The following CACNB2 variants were observed in gnomAD, a reference collection of about 807,000 sequenced individuals.
CACNB2 encodes the protein calcium voltage-gated channel auxiliary subunit beta 2.
In CACNB2, 42 loss-of-function variants were observed where a neutral mutation model predicts 73.3. That is an observed-to-expected ratio of 0.57 (90% confidence interval 0.45 to 0.74). The LOEUF is 0.74. CACNB2 is among the 30% of genes least tolerant of loss of function. The probability of loss-of-function intolerance (pLI) is 0.00; values close to 1 mark genes in which losing one functional copy is unlikely to be tolerated. For synonymous variants in CACNB2, 348 were observed against 310.3 expected (o/e 1.12, Z -1.28); for missense variants, 940 against 853.0 (o/e 1.10, Z -1.27).
At chr10:18,426,253 C>A (rs187361648) in intron 3 of CACNB2, among the ~76,000 whole-genome samples, 2 of 152,280 alleles carry the variant, frequency 1.3e-5, no homozygotes, top group Admixed American at 1.3e-4. Flanking sequence ...TAAATAGGAA[C>A]TATCTCTCCA....
At chr10:18,227,632 C>T (rs1046968999) in intron 2 of CACNB2, among the ~76,000 whole-genome samples, 2 of 152,112 alleles carry the variant, frequency 1.3e-5, no homozygotes, top group South Asian at 2.1e-4. Context: ...CTTGGGCGGC[C>T]GCAAGACAGG....
chr10:18,293,824 ATTCATGTTAATGACTATGATAAAATTCC>A (rs2039166948), intron 2 of CACNB2, among the ~76,000 whole-genome samples: 1 of 152,212 alleles, frequency 6.6e-6, no homozygotes, highest in South Asian at 2.1e-4. Context: ...TGGTCCAATC[ATTCATGTTAATGACTATGATAAAATTCC>A]TTAGTTTGAC....
intron 2 of CACNB2, among the ~76,000 whole-genome samples, chr10:18,198,282 A>G (rs2034717844): frequency 6.6e-6 from 1 of 151,426 alleles, no homozygotes; most frequent in African/African-American, 2.4e-5. Context: ...AGTATAATAT[A>G]TATTTAAAGC....
chr10:18,481,204 A>T (rs1425488006), intron 3 of CACNB2, among the ~76,000 whole-genome samples: 3 of 11,056 alleles, frequency 2.7e-4, no homozygotes, highest in African/African-American at 5.1e-4. Context: ...ATATATATAT[A>T]TATATATATA....
At chr10:18,216,879 C>A (rs1034104821) in intron 2 of CACNB2, among the ~76,000 whole-genome samples, 2 of 152,142 alleles carry the variant, frequency 1.3e-5, no homozygotes, top group African/African-American at 4.8e-5. Context: ...CCAATGACAA[C>A]CTACATGTGA....
intron 2 of CACNB2, among the ~76,000 whole-genome samples, chr10:18,375,278 ACTT>A (rs2042749217): frequency 6.6e-6 from 1 of 152,046 alleles, no homozygotes. Context: ...TTGTCCTATG[ACTT>A]CTCCCTCCCA....
chr10:18,351,416 C>G (rs2041701792), intron 2 of CACNB2, among the ~76,000 whole-genome samples: 1 of 152,158 alleles, frequency 6.6e-6, no homozygotes, highest in Non-Finnish European at 1.5e-5. Context: ...ATTCAGTGAT[C>G]TGCTATATAC....
chr10:18,257,902 C>T (rs952818776), intron 2 of CACNB2, among the ~76,000 whole-genome samples: 3 of 152,192 alleles, frequency 2.0e-5, no homozygotes, highest in Non-Finnish European at 4.4e-5. Flanking sequence ...TGCCACCCTG[C>T]CCAGCAGATT....
intron 3 of CACNB2, among the ~76,000 whole-genome samples, chr10:18,478,345 T>C (rs1304488205): frequency 2.0e-5 from 3 of 152,252 alleles, no homozygotes; most frequent in Non-Finnish European, 2.9e-5. Context: ...ACCATTCTTA[T>C]ATGTTTTGTG....
intron 2 of CACNB2, among the ~76,000 whole-genome samples, chr10:18,311,631 C>T (rs1180612126): frequency 1.3e-5 from 2 of 152,198 alleles, no homozygotes; most frequent in East Asian, 3.8e-4. Flanking sequence ...TATATACTTA[C>T]TATTCATGAA....
intron 9 of CACNB2, among the ~76,000 whole-genome samples, chr10:18,520,890 C>T (rs2051810957): frequency 6.6e-6 from 1 of 152,120 alleles, no homozygotes; most frequent in Non-Finnish European, 1.5e-5. Flanking sequence ...TGTGTCTCTC[C>T]TTTCCCTCTG....
chr10:18,344,632 A>AAAGTGCTGG (rs1319261307), intron 2 of CACNB2, among the ~76,000 whole-genome samples: 1 of 152,152 alleles, frequency 6.6e-6, no homozygotes, highest in Non-Finnish European at 1.5e-5. Flanking sequence ...TCGGCCTCCC[A>AAAGTGCTGG]AAGTGCTGGA....
At chr10:18,154,474 G>C (rs1438427123) in intron 2 of CACNB2, among the ~76,000 whole-genome samples, 6 of 150,948 alleles carry the variant, frequency 4.0e-5, no homozygotes, top group Non-Finnish European at 7.4e-5. Context: ...TTTTGTTTTT[G>C]TTTTTTGTTT....
chr10:18,203,341 C>T (rs1357044202), intron 2 of CACNB2, among the ~76,000 whole-genome samples: 1 of 152,086 alleles, frequency 6.6e-6, no homozygotes, highest in African/African-American at 2.4e-5. Flanking sequence ...AAAAGTGACC[C>T]CTCTATCTGA....
At chr10:18,204,866 G>C (rs924500618) in intron 2 of CACNB2, among the ~76,000 whole-genome samples, 2 of 151,426 alleles carry the variant, frequency 1.3e-5, no homozygotes, top group African/African-American at 2.4e-5. Flanking sequence ...TTTCTGTATA[G>C]AGTCAATTTC....
At chr10:18,396,815 A>G (rs753472553) in intron 2 of CACNB2, among the ~76,000 whole-genome samples, 4 of 152,164 alleles carry the variant, frequency 2.6e-5, no homozygotes, top group Non-Finnish European at 5.9e-5. Context: ...CCAGCAAGCA[A>G]TGAGTTTGCC....
intron 2 of CACNB2, among the ~76,000 whole-genome samples, chr10:18,352,321 A>G (rs1309812873): frequency 8.5e-5 from 13 of 152,220 alleles, no homozygotes; most frequent in African/African-American, 2.9e-4. Context: ...AATTCTTACA[A>G]CACCAACAGA....
intron 2 of CACNB2, among the ~76,000 whole-genome samples, chr10:18,378,028 C>G (rs2042871464): frequency 6.6e-6 from 1 of 152,130 alleles, no homozygotes; most frequent in African/African-American, 2.4e-5. Context: ...CAGGAACATT[C>G]TGCTTCAGCT....
intron 3 of CACNB2, among the ~76,000 whole-genome samples, chr10:18,434,129 G>A (rs762652708): frequency 6.6e-6 from 1 of 152,098 alleles, no homozygotes; most frequent in Non-Finnish European, 1.5e-5. Context: ...GAAAGAAAAT[G>A]GTTTGAAGAT....
Sources: allele counts gnomAD v4.1 joint callset (sites outside exome capture counted in the v4.1 genomes callset), GRCh38; gene constraint gnomAD v4.1.1; transcripts MANE v1.5; gene names NCBI Gene and HGNC (gene_info 2026-07-23, HGNC 2026-07-21).